ARSL: variants seen among roughly 807,000 people sequenced by gnomAD.
ARSL encodes arylsulfatase L.
A neutral mutation model predicts 31.1 loss-of-function variants in ARSL; 4 were observed. The ratio of observed to expected loss-of-function variants is 0.13; its 90% CI spans 0.06 to 0.29. The LOEUF (loss-of-function observed/expected upper bound fraction) is 0.29, where lower values mean the gene tolerates loss of function less well. ARSL is among the 10% of genes least tolerant of loss of function. The pLI, the probability that ARSL is intolerant of heterozygous loss-of-function variation, is 1.00. For synonymous variants in ARSL, 198 were observed against 209.9 expected, an observed-to-expected ratio of 0.94 and a Z score of 0.49; for missense variants, 312 against 497.8, an observed-to-expected ratio of 0.63 and a Z score of 3.55.
intron 2 of ARSL, among the ~76,000 whole-genome samples, 166 bp downstream of exon 2, chrX:2,960,212 T>C (rs1260657385): frequency 3.0e-5 from 2 of 67,436 alleles, no homozygotes; most frequent in Non-Finnish European, 5.4e-5. Context: ...GAGCTTGCAG[T>C]GAGCCGAGAT....
At chrX:2,944,379 G>A (rs1249644019) in intron 7 of ARSL, among the ~76,000 whole-genome samples, 4 of 106,564 alleles carry the variant, frequency 3.8e-5, no homozygotes, top group Admixed American at 2.0e-4. Flanking sequence ...GCTTGAACCC[G>A]GGAGGCGGAG....
At chrX:2,960,116 A>G (rs772243358) in intron 2 of ARSL, among the ~76,000 whole-genome samples, 455 of 83,312 alleles carry the variant, frequency 5.5e-3, no homozygotes, top group Non-Finnish European at 6.5e-3. Flanking sequence ...AAAAATACAA[A>G]AAATTAGCCG....
rs182057990 is a variant in ARSL at position 2,957,048 on chromosome X, C to T, written c.185+1226G>A. 9.9e-4 allele frequency among the ~76,000 whole-genome samples: 105 copies of T among 106,384 alleles called. No individual in the cohort carries two copies. In the East Asian group the frequency reaches 0.018, roughly 19 times the overall value. The allele number at this position is 106,384 out of a possible 115,157, so 92.4% of individuals were successfully genotyped here. ...CATCCTGGCTAACATGATGAAACCC[C>T]GTCTCTATTAAAAATACAAAAAATT... On this transcript the variant is annotated intron_variant, in intron 3 of 10. Coordinates refer to ENST00000381134, the MANE Select transcript of ARSL (RefSeq NM_000047.3).
At chrX:2,945,924 T>A (rs890657130) in intron 7 of ARSL, 74 bp downstream of exon 7, 65 of 1,172,367 alleles carry the variant, frequency 5.5e-5, no homozygotes, top group Non-Finnish European at 7.4e-5. Flanking sequence ...TCTTTAACCT[T>A]CTCATTCTTT....
intron 8 of ARSL, 119 bp downstream of exon 8, chrX:2,942,946 A>G: frequency 9.7e-7 from 1 of 1,027,045 alleles, no homozygotes; most frequent in Non-Finnish European, 1.4e-6. Flanking sequence ...TGCCCTGGAT[A>G]GGAAAAATCA....
intron 7 of ARSL, among the ~76,000 whole-genome samples, chrX:2,943,514 G>C (rs749217698): frequency 9.1e-6 from 1 of 109,915 alleles, no homozygotes; most frequent in African/African-American, 3.3e-5. Flanking sequence ...GGCCGAGGCA[G>C]GAGGATCATT....
At chrX:2,943,605 G>A (rs1239275303) in intron 7 of ARSL, among the ~76,000 whole-genome samples, 2 of 108,517 alleles carry the variant, frequency 1.8e-5, no homozygotes. Flanking sequence ...AGCCGGGCGT[G>A]GTGGCACATG....
chrX:2,964,104 A>T, intron 1 of ARSL, 120 bp downstream of exon 1: 1 of 727,011 alleles, frequency 1.4e-6, no homozygotes, highest in Non-Finnish European at 1.6e-6. Flanking sequence ...TGCTTTATCA[A>T]AACAAACTGG....
At chrX:2,950,354 C>T (rs911482216) in intron 5 of ARSL, among the ~76,000 whole-genome samples, 1 of 111,941 alleles carries the variant, frequency 8.9e-6, no homozygotes, top group Non-Finnish European at 1.9e-5. Flanking sequence ...CACCCAGGAC[C>T]TCAGAATGTG....
intron 2 of ARSL, chrX:2,959,656 C>G: frequency 1.7e-6 from 2 of 1,154,129 alleles, no homozygotes; most frequent in Non-Finnish European, 2.3e-6. Context: ...GGGGCAACAT[C>G]AAATCAAGGG....
chrX:2,941,494 A>G (rs1460634420), intron 8 of ARSL, among the ~76,000 whole-genome samples: 1 of 111,134 alleles, frequency 9.0e-6, no homozygotes, highest in African/African-American at 3.3e-5. Flanking sequence ...ACCTCAAGTG[A>G]TCCACCCGCC....
At chrX:2,966,225 GTGGACGGTTT>G (rs1357699422), upstream of ARSL, among the ~76,000 whole-genome samples, 38 of 111,510 alleles carry the variant, frequency 3.4e-4, no homozygotes, top group South Asian at 0.014. Flanking sequence ...ATTTTTACAA[GTGGACGGTTT>G]TGGTGGCATG....
upstream of ARSL, among the ~76,000 whole-genome samples, chrX:2,966,247 C>T (rs1018443778): frequency 4.5e-5 from 5 of 111,472 alleles, no homozygotes; most frequent in African/African-American, 1.6e-4. Context: ...GGTGGCATGT[C>T]TCAAAACGAG....
chrX:2,962,420 C>T (rs186810103), intron 1 of ARSL, among the ~76,000 whole-genome samples: 10 of 111,717 alleles, frequency 9.0e-5, no homozygotes, highest in Admixed American at 6.6e-4. Flanking sequence ...AAGGGCCGAG[C>T]GGCCAGTGAG....
At chrX:2,958,205 T>C in intron 3 of ARSL, 69 bp downstream of exon 3, 1 of 1,181,237 alleles carries the variant, frequency 8.5e-7, no homozygotes, top group Admixed American at 2.3e-5. Flanking sequence ...TTATATGCAT[T>C]TTCAGTGGCT....
At position 2,943,129 on chromosome X, in the gene ARSL, G is replaced by C. The variant is rs368781635; in HGVS notation, c.1062C>G (p.His354Gln). ...CAAGTTGATTCTCTAGGGAACCGCC[G>C]TGATCCGACGTAAAATAAATGAGGG... ...NSTLIYFTSD[H>Q]GGSLENQLGN... Residue 354 changes from histidine (H) to glutamine (Q), a missense_variant, in exon 8 of 11, where the codon CAC (histidine) becomes CAG (glutamine). His to Gln is a conservative substitution (Grantham distance 24). Coordinates refer to ENST00000381134, the MANE Select transcript of ARSL (RefSeq NM_000047.3). The C allele has an allele frequency of 8.3e-7, 1 of 1,210,586 alleles. No homozygotes were observed. The highest frequency in any genetic ancestry group is 1.7e-5 in the African/African-American group (1 of 57,571).
intron 8 of ARSL, among the ~76,000 whole-genome samples, chrX:2,938,558 G>T (rs1174923749): frequency 2.7e-5 from 3 of 112,100 alleles, no homozygotes; most frequent in Non-Finnish European, 5.6e-5. Flanking sequence ...ACACAGAGGA[G>T]AAGGCCATGT....
chrX:2,936,046 A>G (rs754347137), intron 10 of ARSL, among the ~76,000 whole-genome samples: 1 of 111,263 alleles, frequency 9.0e-6, no homozygotes, highest in Non-Finnish European at 1.9e-5. Flanking sequence ...ATAAAGAAAA[A>G]TTGGAGACCA....
chrX:2,957,268 A>G (rs989667224), intron 3 of ARSL, among the ~76,000 whole-genome samples: 1 of 107,905 alleles, frequency 9.3e-6, no homozygotes, highest in African/African-American at 3.4e-5. Context: ...GGATTTCACT[A>G]TGTTTCCCAG....
Sources: gnomAD v4.1 joint callset for allele counts (sites outside exome capture counted in the v4.1 genomes callset) on GRCh38, gnomAD v4.1.1 for gene constraint, MANE v1.5 for transcripts, NCBI Gene and HGNC (gene_info 2026-07-23, HGNC 2026-07-21) for gene names.